PITPNM2: variants seen among roughly 807,000 people sequenced by gnomAD.
The protein encoded by PITPNM2 is membrane-associated phosphatidylinositol transfer protein 2.
PITPNM2 carries 35 observed loss-of-function variants against 132.2 expected under a neutral mutation model. The observed-to-expected ratio is 0.26, with a 90% confidence interval of 0.20 to 0.35. The LOEUF (loss-of-function observed/expected upper bound fraction) is 0.35. Among genes scored for constraint, PITPNM2 ranks in the 10% least tolerant of loss-of-function variants. The pLI is 1.00. For synonymous variants in PITPNM2, 738 were observed against 799.2 expected, an observed-to-expected ratio of 0.92 and a Z score of 1.29; for missense variants, 1,332 against 1,912.0, an observed-to-expected ratio of 0.70 and a Z score of 5.66.
chr12:123,000,699 A>C lies in PITPNM2; in HGVS notation c.1224+79T>G. On this transcript the variant is annotated intron_variant, in intron 10 of 25. Coordinates refer to ENST00000320201, the MANE Select transcript of PITPNM2 (RefSeq NM_020845.3). This position sits in a 1 kb window ranked among gnomAD's most constrained non-coding sequence, Gnocchi z 5.4. Reference sequence around the variant, plus strand: ...GCCAGGCCCAGAGTTCCACCTCTGTAACCCCTCAGACTATTCCTCTGCACC... The same window carrying C: ...GCCAGGCCCAGAGTTCCACCTCTGTCACCCCTCAGACTATTCCTCTGCACC... 2 of 1,470,132 alleles carry C rather than the reference A, an allele frequency of 1.4e-6. No individual in the cohort carries two copies. The highest frequency in any genetic ancestry group is 1.9e-6 in the Non-Finnish European group (2 of 1,066,238). The allele number at this position is 1,470,132 out of a possible 1,614,324, so 91.1% of individuals were successfully genotyped here. A position where few individuals can be genotyped will look rare whatever the true frequency, so the allele number is the denominator to read the frequency against.
intron 5 of PITPNM2, 66 bp from the exon 6 acceptor site, chr12:123,010,143 G>T: frequency 7.5e-7 from 1 of 1,334,750 alleles, no homozygotes; most frequent in Non-Finnish European, 1.1e-6. Context: ...ATCTCTCCAT[G>T]TTCCTCCACC....
At chr12:123,040,715 C>T (rs536406868) in intron 2 of PITPNM2, among the ~76,000 whole-genome samples, 34 of 149,964 alleles carry the variant, frequency 2.3e-4, no homozygotes, top group African/African-American at 6.1e-4. Context: ...ATGTAGAACA[C>T]GATACTTTTT....
At chr12:122,990,953 T>G (rs1566231594) in intron 16 of PITPNM2, among the ~76,000 whole-genome samples, 2 of 152,160 alleles carry the variant, frequency 1.3e-5, no homozygotes, top group Admixed American at 6.5e-5. Context: ...GCGTGGCAGC[T>G]GGGCTCAACC....
At chr12:123,048,545 T>A (rs767892170) in intron 2 of PITPNM2, among the ~76,000 whole-genome samples, 3 of 152,090 alleles carry the variant, frequency 2.0e-5, no homozygotes, top group Non-Finnish European at 2.9e-5. Context: ...CCCGAGTAGC[T>A]GGGACTACAG....
intron 5 of PITPNM2, among the ~76,000 whole-genome samples, chr12:123,011,325 C>T (rs916795509): frequency 2.0e-5 from 3 of 152,198 alleles, no homozygotes; most frequent in Admixed American, 1.3e-4. Flanking sequence ...CCACAGAATG[C>T]CAGGAGGGAT....
intron 2 of PITPNM2, among the ~76,000 whole-genome samples, chr12:123,071,521 G>A (rs1478116425): frequency 6.6e-6 from 1 of 152,198 alleles, no homozygotes; most frequent in Non-Finnish European, 1.5e-5. Context: ...CAAACGGCTC[G>A]ATGATCACAC....
chr12:123,088,733 T>C (rs1004530039), intron 2 of PITPNM2: 2 of 152,206 alleles, frequency 1.3e-5, no homozygotes, highest in African/African-American at 4.8e-5. Flanking sequence ...TTACTCTTTG[T>C]TGGGGGGAGA....
intron 19 of PITPNM2, 79 bp downstream of exon 19, chr12:122,988,645 T>A: frequency 2.8e-6 from 4 of 1,414,330 alleles, no homozygotes; most frequent in Non-Finnish European, 3.8e-6. Context: ...GTCCCCACTG[T>A]CCCCTCGTCT....
At position 123,095,824 on chromosome 12, in the gene PITPNM2, G is replaced by T. The variant is rs1241365943; in HGVS notation, c.-96+14561C>A. Among the ~76,000 whole-genome samples, 1 of 152,190 alleles carries T rather than the reference G, an allele frequency of 6.6e-6. No individual in the cohort carries two copies. The highest frequency in any genetic ancestry group is 1.5e-5 in the Non-Finnish European group (1 of 68,014). On this transcript the variant is annotated intron_variant, in intron 2 of 25. Transcript: ENST00000320201. This position sits in a 1 kb window ranked among gnomAD's most constrained non-coding sequence, Gnocchi z 5.0. ...CTGCCTCCTGTGTCGTGTGAACTCA[G>T]CACCCCACAGGATCTAAACCAAGCG... is the stretch of plus-strand genomic sequence containing the variant.
chr12:123,107,108 CTGAGGCCCTGCCCATGTCA>C (rs1282907664), intron 2 of PITPNM2, among the ~76,000 whole-genome samples: 2 of 152,322 alleles, frequency 1.3e-5, no homozygotes, highest in East Asian at 3.9e-4. Flanking sequence ...CTGCTGTGGT[CTGAGGCCCTGCCCATGTCA>C]TGAGCTCTCT....
chr12:123,138,430 A>G (rs1454719398), intron 1 of PITPNM2, among the ~76,000 whole-genome samples: 1 of 152,124 alleles, frequency 6.6e-6, no homozygotes, highest in Non-Finnish European at 1.5e-5. Context: ...ACAGAGAGAG[A>G]CCCTGTTTCA....
chr12:123,134,733 C>G (rs904648126), intron 1 of PITPNM2, among the ~76,000 whole-genome samples: 2 of 152,144 alleles, frequency 1.3e-5, no homozygotes, highest in Non-Finnish European at 2.9e-5. Context: ...CCAAAATAGG[C>G]CCGTTGTGTG....
intron 2 of PITPNM2, among the ~76,000 whole-genome samples, chr12:123,105,709 G>A (rs533949674): frequency 2.8e-4 from 43 of 152,208 alleles, no homozygotes; most frequent in Non-Finnish European, 5.6e-4. Flanking sequence ...CTCCCTGCAG[G>A]TGGGATGAGG....
At position 122,986,494 on chromosome 12, in the gene PITPNM2, G is replaced by A. The variant is rs1334537682; in HGVS notation, c.3668C>T (p.Ser1223Phe). Residue 1223 changes from serine (S) to phenylalanine (F), a missense_variant, in exon 25 of 26, where the codon TCC becomes TTC. Ser to Phe is a radical substitution (Grantham distance 155). Coordinates refer to ENST00000320201, the MANE Select transcript of PITPNM2 (RefSeq NM_020845.3). ...GCCCACGATGTAGATCTGCATGGGG[G>A]ACAGGCTAATGGCGCTGTACACCGC... ...DVAVYSAISL[S>F]PMQIYIVGRP... The A allele has an allele frequency of 6.3e-7, 1 of 1,591,076 alleles. No individual in the cohort carries two copies.
At chr12:123,129,253 T>C (rs956226755) in intron 1 of PITPNM2, among the ~76,000 whole-genome samples, 7 of 149,688 alleles carry the variant, frequency 4.7e-5, no homozygotes, top group African/African-American at 1.5e-4. Context: ...CTGGGCAACA[T>C]GGGAGTCCTG....
At chr12:123,129,691 A>G (rs772408254) in intron 1 of PITPNM2, among the ~76,000 whole-genome samples, 6 of 152,020 alleles carry the variant, frequency 3.9e-5, no homozygotes, top group Non-Finnish European at 8.8e-5. Context: ...ATCTCCTAAT[A>G]TTTATGTTTC....
chr12:123,126,086 G>GT (rs1429526891), intron 1 of PITPNM2, among the ~76,000 whole-genome samples: 6 of 151,542 alleles, frequency 4.0e-5, no homozygotes, highest in Non-Finnish European at 8.8e-5. Context: ...AGCCAGGATG[G>GT]TCTCAATCTT....
rs2037850061 is a variant in PITPNM2, at chr12:122,984,371, C to A, written c.*1656G>T. ...CTGTGATTGTCGGGCCAAGCAACTT[C>A]CTGCTGGGAGCAGGGGGGTCAGATA... On this transcript the variant is annotated 3_prime_UTR_variant, in exon 26 of 26. Coordinates refer to ENST00000320201, the MANE Select transcript of PITPNM2 (RefSeq NM_020845.3). 1.3e-5 allele frequency: 2 copies of A among 152,662 alleles called. No homozygotes were observed. Among genetic ancestry groups the A allele is most frequent in the South Asian group, 4.1e-4 (2 of 4,834 alleles). The allele number at this position is 152,662 out of a possible 1,614,324, so 9.5% of individuals were successfully genotyped here.
intron 2 of PITPNM2, among the ~76,000 whole-genome samples, chr12:123,085,228 C>T (rs941357178): frequency 9.9e-5 from 15 of 152,194 alleles, no homozygotes; most frequent in African/African-American, 3.1e-4. Context: ...TGTGAGCTAG[C>T]GCCATCTGCG....
Sources: gnomAD v4.1 joint callset for allele counts (sites outside exome capture counted in the v4.1 genomes callset) on GRCh38, gnomAD v4.1.1 for gene constraint, Gnocchi (gnomAD v3.1) non-coding constraint, MANE v1.5 for transcripts, NCBI Gene and HGNC (gene_info 2026-07-23, HGNC 2026-07-21) for gene names.